GBF1: variants seen among roughly 807,000 people sequenced by gnomAD.
The protein encoded by GBF1 is golgi brefeldin A resistant guanine nucleotide exchange factor 1.
Under a neutral mutation model 210.5 loss-of-function variants are expected in GBF1, and 114 were observed. The ratio of observed to expected loss-of-function variants is 0.54; its 90% CI spans 0.47 to 0.63. The LOEUF is 0.63. Among genes scored for constraint, GBF1 ranks in the 30% least tolerant of loss-of-function variants. GBF1 has a pLI of 0.00. For missense variants in GBF1, 1,851 were observed against 2,357.7 expected, an observed-to-expected ratio of 0.79 and a Z score of 4.45; for synonymous variants, 850 against 889.2, an observed-to-expected ratio of 0.96 and a Z score of 0.78.
At position 102,360,253 on chromosome 10, in the gene GBF1, A is replaced by G. The variant is rs765646818; in HGVS notation, c.1250A>G (p.Asn417Ser). 1.5e-5 allele frequency: 25 copies of G among 1,613,342 alleles called. No homozygotes were observed. Among genetic ancestry groups the G allele is most frequent in the African/African-American group, 8.0e-5 (6 of 74,736 alleles). Residue 417 changes from asparagine to serine, a missense_variant, in exon 12 of 40, where the codon AAT becomes AGT. Asn to Ser is a conservative substitution (Grantham distance 46). Coordinates refer to ENST00000369983, the MANE Select transcript of GBF1 (RefSeq NM_001377137.1). ...TTCCGCTTCCTCATCTCCCTCACCA[A>G]TCCACACGACCGCCATAACTCAGAG... ...ELFRFLISLT[N>S]PHDRHNSEVM...
intron 3 of GBF1, among the ~76,000 whole-genome samples, chr10:102,294,783 G>C (rs1406048179): frequency 1.3e-5 from 2 of 152,134 alleles, no homozygotes; most frequent in Admixed American, 6.5e-5. Context: ...ATTCAATACA[G>C]TAACAGGCTG....
intron 29 of GBF1, among the ~76,000 whole-genome samples, chr10:102,375,032 G>C (rs2060415303): frequency 6.6e-6 from 1 of 151,800 alleles, no homozygotes; most frequent in African/African-American, 2.4e-5. Context: ...AAATTAGCCA[G>C]GTGTGGTCAC....
In GBF1 at chr10:102,375,561, C is replaced by G; in HGVS notation, c.3863C>G (p.Ala1288Gly). ...CCTCCAGCTGCTCTGCAGGCCACAG[C>G]CAGGGCAGATGCACCTGATGCCGGT... ...VKPPAALQAT[A>G]RADAPDAGAQ... Residue 1288 changes from alanine to glycine, a missense_variant, in exon 30 of 40, where the codon GCC becomes GGC. This residue lies in a region of GBF1 where 967 missense variants were observed against 1,247.7 expected (regional missense o/e 0.78). Coordinates refer to ENST00000369983, the MANE Select transcript of GBF1 (RefSeq NM_001377137.1). 4 of 1,611,694 alleles carry G rather than the reference C, an allele frequency of 2.5e-6. No individual in the cohort carries two copies. Among genetic ancestry groups the G allele is most frequent in the Non-Finnish European group, 3.4e-6 (4 of 1,177,862 alleles).
rs532427257 is a variant in GBF1, at chr10:102,319,309, G to T, written c.164-24742G>T. Reference sequence around the variant, plus strand: ...CACTCCAGCCTGGGTGACAGAGTGAGACTCCGTCTCAACAACAACAACAAC... The same window carrying T: ...CACTCCAGCCTGGGTGACAGAGTGATACTCCGTCTCAACAACAACAACAAC... On this transcript the variant is annotated intron_variant, in intron 3 of 39. Coordinates refer to ENST00000369983, the MANE Select transcript of GBF1 (RefSeq NM_001377137.1). Among the ~76,000 whole-genome samples, 843 of 150,304 alleles carry T rather than the reference G, an allele frequency of 5.6e-3. 7 individuals carry two copies. Among genetic ancestry groups the T allele is most frequent in the Non-Finnish European group, 6.1e-3 (410 of 67,184 alleles).
At chr10:102,326,842 A>G (rs2056938396) in intron 3 of GBF1, among the ~76,000 whole-genome samples, 1 of 152,148 alleles carries the variant, frequency 6.6e-6, no homozygotes. Context: ...ATATATCAGT[A>G]GTTTTTTTCT....
chr10:102,276,453 G>A (rs2074977334), intron 3 of GBF1, among the ~76,000 whole-genome samples: 1 of 151,616 alleles, frequency 6.6e-6, no homozygotes, highest in East Asian at 1.9e-4. Flanking sequence ...TTGAACCTGG[G>A]AGGTGGAGGT....
intron 3 of GBF1, among the ~76,000 whole-genome samples, chr10:102,320,636 A>G (rs553901146): frequency 8.6e-5 from 13 of 152,030 alleles, no homozygotes; most frequent in Non-Finnish European, 1.8e-4. Flanking sequence ...TGCTCTGCTT[A>G]TATTTCCTTT....
At chr10:102,289,661 T>C (rs1198487828) in intron 3 of GBF1, among the ~76,000 whole-genome samples, 1 of 152,242 alleles carries the variant, frequency 6.6e-6, no homozygotes, top group East Asian at 1.9e-4. Context: ...ACTGGCGTAG[T>C]AGACAATTCA....
chr10:102,262,639 C>A (rs574425961), intron 3 of GBF1, among the ~76,000 whole-genome samples: 1 of 152,288 alleles, frequency 6.6e-6, no homozygotes, highest in South Asian at 2.1e-4. Context: ...GTGCTGCTAT[C>A]CTGACAGAGC....
chr10:102,337,823 C>T (rs1387392491), intron 3 of GBF1, among the ~76,000 whole-genome samples: 1 of 152,132 alleles, frequency 6.6e-6, no homozygotes, highest in South Asian at 2.1e-4. Context: ...CACCACTGCA[C>T]TCCAGCCTGG....
In GBF1 at chr10:102,361,044, A is replaced by C; in HGVS notation, c.1415A>C (p.Asn472Thr). Residue 472 changes from asparagine (N) to threonine (T), a missense_variant, in exon 13 of 40, where the codon AAC becomes ACC. By Grantham distance (65) the Asn-to-Thr change is moderately conservative. This residue lies in a region of GBF1 where 804 missense variants were observed against 958.6 expected (regional missense o/e 0.84). Transcript: ENST00000369983. ...LFQLLSIERL[N>T]LYAASLRVCF... ...CAGCTACTCAGCATAGAGCGACTAA[A>C]CCTTTATGCTGCTTCCCTGCGAGTA... 6.3e-7 allele frequency: 1 copy of C among 1,598,178 alleles called. No homozygotes were observed.
chr10:102,260,991 CATTT>C (rs1417061526), intron 3 of GBF1, among the ~76,000 whole-genome samples: 1 of 152,056 alleles, frequency 6.6e-6, no homozygotes, highest in Non-Finnish European at 1.5e-5. Context: ...GCCATTTTCA[CATTT>C]ATTACCTTAT....
At chr10:102,255,378 C>A (rs374877329) in intron 1 of GBF1, among the ~76,000 whole-genome samples, 2 of 152,062 alleles carry the variant, frequency 1.3e-5, no homozygotes, top group South Asian at 4.1e-4. Context: ...TTTGCTTAGA[C>A]CTTTGCTGTC....
chr10:102,317,422 C>A (rs1237848650), intron 3 of GBF1, among the ~76,000 whole-genome samples: 1 of 152,090 alleles, frequency 6.6e-6, no homozygotes, highest in Non-Finnish European at 1.5e-5. Flanking sequence ...AGTTCGAGAC[C>A]AACCTGGCCA....
intron 3 of GBF1, among the ~76,000 whole-genome samples, chr10:102,333,994 A>T (rs1014995141): frequency 1.3e-5 from 2 of 152,182 alleles, no homozygotes; most frequent in African/African-American, 4.8e-5. Context: ...TAGAGGGGTA[A>T]ATGAACTAAT....
chr10:102,231,895 G>T, the GBF1 span: 7 of 1,560,196 alleles, frequency 4.5e-6, no homozygotes, highest in African/African-American at 5.4e-5. Context: ...GGGCTGCCCA[G>T]CCGGGGTCCC....
intron 4 of GBF1, among the ~76,000 whole-genome samples, chr10:102,350,023 C>T (rs1018276384): frequency 2.0e-5 from 3 of 151,990 alleles, no homozygotes; most frequent in Admixed American, 6.6e-5. Context: ...TCTTGCTCGT[C>T]GTCATATTAT....
At chr10:102,361,188 G>T (rs1186260881) in intron 13 of GBF1, 68 bp downstream of exon 13, 3 of 845,050 alleles carry the variant, frequency 3.6e-6, no homozygotes, top group Non-Finnish European at 6.2e-6. Context: ...CTTCAGTGGG[G>T]CCAGCTCTAT....
intron 1 of GBF1, among the ~76,000 whole-genome samples, chr10:102,247,920 T>C (rs962969049): frequency 6.6e-6 from 1 of 152,218 alleles, no homozygotes; most frequent in Non-Finnish European, 1.5e-5. Context: ...GTTACACTAC[T>C]ATTTTATTTC....
Sources: allele counts gnomAD v4.1 joint callset (sites outside exome capture counted in the v4.1 genomes callset), GRCh38; gene constraint gnomAD v4.1.1; regional missense constraint gnomAD v4.1.1; transcripts MANE v1.5; gene names NCBI Gene and HGNC (gene_info 2026-07-23, HGNC 2026-07-21).